Variants in RBFOX1 observed in about 807,000 individuals in gnomAD.
RBFOX1 encodes RNA binding protein fox-1 homolog 1.
RBFOX1 carries 8 observed loss-of-function variants against 57.7 expected under a neutral mutation model. The ratio of observed to expected loss-of-function variants is 0.14; its 90% CI spans 0.08 to 0.25. The LOEUF (loss-of-function observed/expected upper bound fraction) is 0.25, where lower values mean the gene tolerates loss of function less well. Ranked by LOEUF, RBFOX1 falls within the 10% of genes least tolerant of loss-of-function variation. The pLI is 1.00. For synonymous variants in RBFOX1, 326 were observed against 222.4 expected (o/e 1.47, Z -4.15); for missense variants, 611 against 548.5 (o/e 1.11, Z -1.14).
intron 1 of RBFOX1, among the ~76,000 whole-genome samples, chr16:6,055,634 C>G (rs1325687129): frequency 6.8e-6 from 1 of 146,684 alleles, no homozygotes; most frequent in East Asian, 2.0e-4. Context: ...ATTGGACAGG[C>G]ACAGTTCCTA....
intron 2 of RBFOX1, among the ~76,000 whole-genome samples, chr16:5,538,198 C>T (rs973291615): frequency 6.6e-6 from 1 of 152,144 alleles, no homozygotes; most frequent in African/African-American, 2.4e-5. Context: ...GAGGCCAAGA[C>T]CCTGAAGTTG....
At position 7,139,301 on chromosome 16, in the gene RBFOX1, C is replaced by G. The variant is rs575322652; in HGVS notation, c.27+87203C>G. Among the ~76,000 whole-genome samples, 8 of 152,068 alleles carry G rather than the reference C, an allele frequency of 5.3e-5. No homozygotes were observed. In the East Asian group the frequency reaches 1.5e-3, roughly 29 times the overall value. ...GTCACTCCCCATGCAGAACATCCAA[C>G]ATAATCACTTCAACAACCAGCTTTT... On this transcript the variant is annotated intron_variant, in intron 4 of 15. Transcript: ENST00000550418.
At chr16:5,653,068 T>A (rs1175079367) in intron 3 of RBFOX1, among the ~76,000 whole-genome samples, 45 of 50,350 alleles carry the variant, frequency 8.9e-4, no homozygotes, top group South Asian at 4.4e-3. Flanking sequence ...GCTGGGCCTG[T>A]GTGAGCAAGG....
intron 2 of RBFOX1, among the ~76,000 whole-genome samples, chr16:6,485,695 A>G (rs2095464174): frequency 6.6e-6 from 1 of 152,196 alleles, no homozygotes; most frequent in African/African-American, 2.4e-5. Flanking sequence ...CACTTTTACT[A>G]TGTAAAAAGA....
intron 3 of RBFOX1, among the ~76,000 whole-genome samples, chr16:6,820,491 C>T (rs1416998534): frequency 1.3e-5 from 2 of 152,004 alleles, no homozygotes; most frequent in African/African-American, 2.4e-5. Flanking sequence ...ACCGTCTCTA[C>T]AGAAAAAGTT....
chr16:5,407,989 A>T (rs1307400660), intron 1 of RBFOX1, among the ~76,000 whole-genome samples: 1 of 152,234 alleles, frequency 6.6e-6, no homozygotes, highest in Non-Finnish European at 1.5e-5. Context: ...CCATTCTGAA[A>T]TCATGGCAGG....
chr16:6,833,803 G>T (rs2092888828), intron 3 of RBFOX1, among the ~76,000 whole-genome samples: 1 of 152,168 alleles, frequency 6.6e-6, no homozygotes, highest in Non-Finnish European at 1.5e-5. Context: ...CATTGAGGTT[G>T]ATGGGTAGGT....
At chr16:6,140,959 C>G (rs1175085639) in intron 1 of RBFOX1, among the ~76,000 whole-genome samples, 2 of 152,166 alleles carry the variant, frequency 1.3e-5, no homozygotes, top group Non-Finnish European at 2.9e-5. Context: ...AGCTCGTATT[C>G]TCCCCAAGCT....
At chr16:5,798,965 C>G (rs959554648) in intron 3 of RBFOX1, among the ~76,000 whole-genome samples, 2 of 152,114 alleles carry the variant, frequency 1.3e-5, no homozygotes, top group African/African-American at 4.8e-5. Context: ...GTGAGCCACT[C>G]TGAAACTCAG....
In RBFOX1 at chr16:7,653,796, C is replaced by CTG; in HGVS notation, c.758-18_758-17insGT. ...CTGACAGCCTGTGCTCTCTCTCTCT[C>CTG]TCTCCTCTTGCCCCGCAGTGCCAGG... On this transcript the variant is annotated intron_variant, in intron 11 of 15. Coordinates refer to ENST00000550418, the MANE Select transcript of RBFOX1 (RefSeq NM_018723.4). The CTG allele has an allele frequency of 1.2e-6, 2 of 1,607,824 alleles. No homozygotes were observed. Among genetic ancestry groups the CTG allele is most frequent in the Non-Finnish European group, 1.7e-6 (2 of 1,179,500 alleles).
At chr16:5,799,287 A>C (rs1221403188) in intron 3 of RBFOX1, among the ~76,000 whole-genome samples, 2 of 152,160 alleles carry the variant, frequency 1.3e-5, no homozygotes, top group Non-Finnish European at 2.9e-5. Context: ...GGTTCCTCCC[A>C]CAACACATGG....
intron 3 of RBFOX1, among the ~76,000 whole-genome samples, chr16:6,677,370 G>A (rs1364962929): frequency 6.6e-6 from 1 of 152,136 alleles, no homozygotes; most frequent in Admixed American, 6.5e-5. Flanking sequence ...ACATCAAGAT[G>A]TAAATATATG....
intron 3 of RBFOX1, among the ~76,000 whole-genome samples, chr16:5,674,740 A>G (rs763664082): frequency 7.9e-5 from 12 of 152,192 alleles, no homozygotes; most frequent in Non-Finnish European, 1.8e-4. Flanking sequence ...GGTGATTTTC[A>G]CAGATTTGTA....
intron 3 of RBFOX1, among the ~76,000 whole-genome samples, chr16:6,882,832 C>T (rs781028781): frequency 6.6e-6 from 1 of 152,070 alleles, no homozygotes; most frequent in South Asian, 2.1e-4. Flanking sequence ...TGCCCCTTTT[C>T]AGAGGCTTTA....
At chr16:5,898,061 C>G (rs375074700) in intron 4 of RBFOX1, among the ~76,000 whole-genome samples, 2 of 152,008 alleles carry the variant, frequency 1.3e-5, no homozygotes, top group Non-Finnish European at 2.9e-5. Flanking sequence ...ACTGGGTAGG[C>G]CTCAGGAATC....
At chr16:6,623,950 A>G (rs2098270101) in intron 2 of RBFOX1, among the ~76,000 whole-genome samples, 2 of 152,198 alleles carry the variant, frequency 1.3e-5, no homozygotes, top group Non-Finnish European at 1.5e-5. Context: ...TCCTTTGGGT[A>G]TATACCCAGT....
intron 2 of RBFOX1, among the ~76,000 whole-genome samples, chr16:6,548,534 T>TG (rs1452325469): frequency 6.6e-6 from 1 of 152,222 alleles, no homozygotes; most frequent in African/African-American, 2.4e-5. Context: ...GAAATTTTTT[T>TG]AAGTTTCAAG....
intron 3 of RBFOX1, among the ~76,000 whole-genome samples, chr16:5,622,817 C>T (rs756980158): frequency 2.0e-5 from 3 of 152,164 alleles, no homozygotes; most frequent in Non-Finnish European, 2.9e-5. Flanking sequence ...CAACCAACCT[C>T]GATTCAAAAA....
intron 1 of RBFOX1, among the ~76,000 whole-genome samples, chr16:6,116,838 G>C (rs1458128909): frequency 1.3e-5 from 2 of 152,056 alleles, no homozygotes; most frequent in Non-Finnish European, 2.9e-5. Flanking sequence ...GAAATTGGGA[G>C]ACAGAGGGAG....
Sources: gnomAD v4.1 joint callset for allele counts (sites outside exome capture counted in the v4.1 genomes callset) on GRCh38, gnomAD v4.1.1 for gene constraint, MANE v1.5 for transcripts, NCBI Gene and HGNC (gene_info 2026-07-23, HGNC 2026-07-21) for gene names.